Variants in SLMAP observed in about 807,000 individuals in gnomAD.
The protein encoded by SLMAP is sarcolemma associated protein.
In SLMAP, 44 loss-of-function variants were observed where a neutral mutation model predicts 128.8. That is an observed-to-expected ratio of 0.34 (90% CI 0.27 to 0.44). The LOEUF (loss-of-function observed/expected upper bound fraction) is 0.44, where lower values mean the gene tolerates loss of function less well. Ranked by LOEUF, SLMAP falls within the 20% of genes least tolerant of loss-of-function variation. The pLI is 1.00. For missense variants in SLMAP, 787 were observed against 985.3 expected (o/e 0.80, Z 2.69); for synonymous variants, 327 against 348.8 (o/e 0.94, Z 0.70).
rs1254082872 is a variant in SLMAP at position 57,757,510 on chromosome 3, A to C, written c.-142A>C. The C allele has an allele frequency of 1.4e-6, 1 of 714,766 alleles. No individual in the cohort carries two copies. The highest frequency in any genetic ancestry group is 2.4e-6 in the Non-Finnish European group (1 of 422,408). The allele number at this position is 714,766 out of a possible 1,614,324, so 44.3% of individuals were successfully genotyped here. A position where few individuals can be genotyped will look rare whatever the true frequency, so the allele number is the denominator to read the frequency against. On this transcript the variant is annotated 5_prime_UTR_variant, in exon 2 of 25. Coordinates refer to ENST00000671191, the MANE Select transcript of SLMAP (RefSeq NM_001377540.1). ...CCACCCAAGTGAAGAGTTGATGTTC[A>C]CTGGTTATGCTTAGACAATGTGCAG...
intron 2 of SLMAP, among the ~76,000 whole-genome samples, chr3:57,779,520 A>T (rs1030529957): frequency 6.6e-6 from 1 of 151,616 alleles, no homozygotes; most frequent in Non-Finnish European, 1.5e-5. Context: ...AAAAAAAAAA[A>T]AAAAACAAAA....
intron 14 of SLMAP, among the ~76,000 whole-genome samples, chr3:57,878,542 G>C (rs1348296126): frequency 6.6e-6 from 1 of 152,184 alleles, no homozygotes; most frequent in East Asian, 1.9e-4. Flanking sequence ...CTGGCAGTAT[G>C]ATTGTGGACA....
At chr3:57,766,189 T>A (rs2079679325) in intron 2 of SLMAP, among the ~76,000 whole-genome samples, 1 of 130,540 alleles carries the variant, frequency 7.7e-6, no homozygotes, top group Non-Finnish European at 1.7e-5. Flanking sequence ...TTTTTTTTTT[T>A]GTATTTTTAG....
At chr3:57,878,016 T>A (rs921550931) in intron 14 of SLMAP, among the ~76,000 whole-genome samples, 9 of 151,598 alleles carry the variant, frequency 5.9e-5, no homozygotes, top group African/African-American at 2.2e-4. Flanking sequence ...TTTTTTAATG[T>A]ATTTTTAGTA....
In SLMAP at chr3:57,873,286, T is replaced by C. The variant is rs2095526549; in HGVS notation, c.1300+1588T>C. Among the ~76,000 whole-genome samples, 2 of 152,136 alleles carry C rather than the reference T, an allele frequency of 1.3e-5. 1 individual carries two copies. The highest frequency in any genetic ancestry group is 4.1e-4 in the South Asian group (2 of 4,832). On this transcript the variant is annotated intron_variant, in intron 14 of 24. Transcript: ENST00000671191. ...GGGAGGCCGAGGTGGGTGGATCACCTGAGGTCAGGAGTTTGAGATGAACCT... is the reference window on the plus strand; with the variant it reads ...GGGAGGCCGAGGTGGGTGGATCACCCGAGGTCAGGAGTTTGAGATGAACCT...
At chr3:57,827,635 C>G (rs967526689) in intron 2 of SLMAP, among the ~76,000 whole-genome samples, 2 of 152,224 alleles carry the variant, frequency 1.3e-5, no homozygotes, top group African/African-American at 4.8e-5. Flanking sequence ...ATTCAGAGCT[C>G]CTTACTCACC....
chr3:57,837,039 A>G (rs1577305145), intron 3 of SLMAP, among the ~76,000 whole-genome samples: 2 of 152,330 alleles, frequency 1.3e-5, no homozygotes, highest in East Asian at 3.9e-4. Context: ...GAGCAAAGTC[A>G]ATGGTGTATC....
At chr3:57,783,662 G>A (rs1481956272) in intron 2 of SLMAP, among the ~76,000 whole-genome samples, 1 of 152,200 alleles carries the variant, frequency 6.6e-6, no homozygotes, top group Non-Finnish European at 1.5e-5. Flanking sequence ...AGCAAGCCAA[G>A]GGTGTGGCCA....
chr3:57,894,704 G>C (rs889445241), intron 15 of SLMAP, among the ~76,000 whole-genome samples: 15 of 152,174 alleles, frequency 9.9e-5, no homozygotes, highest in Non-Finnish European at 2.9e-5. Flanking sequence ...GAGTTGATGG[G>C]ACTTAAACTG....
intron 2 of SLMAP, among the ~76,000 whole-genome samples, chr3:57,829,207 T>C (rs184359651): frequency 9.2e-5 from 14 of 152,334 alleles, no homozygotes; most frequent in Non-Finnish European, 1.6e-4. Context: ...ATATTTCTTT[T>C]TGTTTTTCAA....
intron 10 of SLMAP, among the ~76,000 whole-genome samples, chr3:57,862,614 G>A (rs1002674229): frequency 3.8e-5 from 5 of 130,842 alleles, no homozygotes; most frequent in Admixed American, 9.1e-5. Flanking sequence ...CTCCAGCCTG[G>A]CGACAGAGCA....
At chr3:57,762,048 C>G (rs1223745188) in intron 2 of SLMAP, among the ~76,000 whole-genome samples, 4 of 128,566 alleles carry the variant, frequency 3.1e-5, no homozygotes, top group Non-Finnish European at 6.4e-5. Flanking sequence ...AGCGAGACTC[C>G]GTCTCAAAAA....
Position 57,913,450 on chromosome 3 carries a change from T to C in SLMAP, c.2138+175T>C, listed in dbSNP as rs371040930. ...GAATAAATACTTCAGCTTTTTTTTT[T>C]CCTGCCACCACCATTATCCTACATG... On this transcript the variant is annotated intron_variant, in intron 21 of 24. Coordinates refer to ENST00000671191, the MANE Select transcript of SLMAP (RefSeq NM_001377540.1). Among the ~76,000 whole-genome samples, 321 of 152,300 alleles carry C rather than the reference T, an allele frequency of 2.1e-3. 1 individual carries two copies. The highest frequency in any genetic ancestry group is 7.1e-3 in the African/African-American group (296 of 41,552).
intron 15 of SLMAP, among the ~76,000 whole-genome samples, chr3:57,892,559 C>T (rs1268612730): frequency 6.6e-6 from 1 of 152,126 alleles, no homozygotes; most frequent in Non-Finnish European, 1.5e-5. Flanking sequence ...CACTCATGGT[C>T]TTGTGTTTCA....
chr3:57,910,345 A>G (rs1427302299), intron 19 of SLMAP, among the ~76,000 whole-genome samples: 1 of 151,948 alleles, frequency 6.6e-6, no homozygotes. Flanking sequence ...CACCATGCCC[A>G]GCTAATTTTT....
At chr3:57,906,523 C>A (rs1002001996) in intron 17 of SLMAP, among the ~76,000 whole-genome samples, 1 of 148,200 alleles carries the variant, frequency 6.7e-6, no homozygotes, top group Admixed American at 6.8e-5. Flanking sequence ...CCACATGTTG[C>A]CCAGGCTGGT....
At chr3:57,787,957 G>A (rs1308611269) in intron 2 of SLMAP, among the ~76,000 whole-genome samples, 3 of 152,212 alleles carry the variant, frequency 2.0e-5, no homozygotes, top group South Asian at 2.1e-4. Context: ...CAGTTGAAGT[G>A]TTTAGGAAGG....
chr3:57,853,106 G>A (rs945795158), intron 6 of SLMAP, among the ~76,000 whole-genome samples: 1 of 152,204 alleles, frequency 6.6e-6, no homozygotes, highest in Non-Finnish European at 1.5e-5. Context: ...TCTAGTGGAA[G>A]TAGATTCTAA....
At chr3:57,779,785 C>T (rs2082640634) in intron 2 of SLMAP, among the ~76,000 whole-genome samples, 1 of 151,966 alleles carries the variant, frequency 6.6e-6, no homozygotes, top group Non-Finnish European at 1.5e-5. Flanking sequence ...AAAACCTTAA[C>T]TTCCTAAAGT....
Sources: allele counts gnomAD v4.1 joint callset (sites outside exome capture counted in the v4.1 genomes callset), GRCh38; gene constraint gnomAD v4.1.1; transcripts MANE v1.5; gene names NCBI Gene and HGNC (gene_info 2026-07-23, HGNC 2026-07-21).